LINGO2: variants seen among roughly 807,000 people sequenced by gnomAD.
LINGO2 encodes the protein leucine-rich repeat and immunoglobulin-like domain-containing nogo receptor-interacting protein 2.
A neutral mutation model predicts 30.6 loss-of-function variants in LINGO2; 14 were observed. The ratio of observed to expected loss-of-function variants is 0.46; its 90% confidence interval spans 0.30 to 0.72. LINGO2 has a LOEUF of 0.72. Ranked by LOEUF, LINGO2 falls within the 30% of genes least tolerant of loss-of-function variation. LINGO2 has a pLI of 0.07. For missense variants in LINGO2, 729 were observed against 751.7 expected, an observed-to-expected ratio of 0.97 and a Z score of 0.35; for synonymous variants, 317 against 288.5, an observed-to-expected ratio of 1.10 and a Z score of -1.00.
At chr9:28,159,690 A>T (rs1252303489) in intron 4 of LINGO2, among the ~76,000 whole-genome samples, 2 of 152,178 alleles carry the variant, frequency 1.3e-5, no homozygotes, top group African/African-American at 4.8e-5. Context: ...AAATTCCTTT[A>T]TAGTCTTCTG....
chr9:28,638,915 G>T (rs1451091470), intron 1 of LINGO2, among the ~76,000 whole-genome samples: 2 of 152,022 alleles, frequency 1.3e-5, no homozygotes, highest in Non-Finnish European at 2.9e-5. Context: ...TGATGTTAAG[G>T]TGTCAATTTT....
the LINGO2 span, among the ~76,000 whole-genome samples, chr9:29,001,907 G>C: frequency 6.6e-6 from 1 of 151,982 alleles, no homozygotes; most frequent in South Asian, 2.1e-4. Flanking sequence ...TTCTGCATTG[G>C]CTCTGAGGAT....
At chr9:28,995,673 T>C in the LINGO2 span, among the ~76,000 whole-genome samples, 3 of 152,282 alleles carry the variant, frequency 2.0e-5, no homozygotes, top group South Asian at 4.1e-4. Context: ...ATATACACTA[T>C]GGAATACTAT....
chr9:28,990,633 C>G, the LINGO2 span, among the ~76,000 whole-genome samples: 1 of 152,122 alleles, frequency 6.6e-6, no homozygotes, highest in East Asian at 1.9e-4. Context: ...ACACCTCACA[C>G]GGCCGGGTAC....
At chr9:29,025,920 A>G in the LINGO2 span, among the ~76,000 whole-genome samples, 33,137 of 152,106 alleles carry the variant, frequency 0.22, 3,754 homozygotes, top group East Asian at 0.41. Flanking sequence ...GCTTATTTCA[A>G]TTAACAAAAT....
intron 3 of LINGO2, among the ~76,000 whole-genome samples, chr9:28,330,194 G>A (rs949481234): frequency 6.6e-6 from 1 of 152,136 alleles, no homozygotes; most frequent in African/African-American, 2.4e-5. Context: ...CTGCCTACAA[G>A]TCAAGATAAG....
At chr9:28,287,304 T>A (rs143706742) in intron 4 of LINGO2, among the ~76,000 whole-genome samples, 5 of 152,162 alleles carry the variant, frequency 3.3e-5, no homozygotes, top group Non-Finnish European at 7.4e-5. Flanking sequence ...ATGCTCTGAG[T>A]TAGGAGATTC....
At chr9:27,976,289 G>A (rs1820590673) in intron 5 of LINGO2, among the ~76,000 whole-genome samples, 1 of 151,750 alleles carries the variant, frequency 6.6e-6, no homozygotes, top group Non-Finnish European at 1.5e-5. Context: ...GATAAATGTT[G>A]CCTTAGATTA....
chr9:29,187,459 C>G, the LINGO2 span, among the ~76,000 whole-genome samples: 1 of 152,092 alleles, frequency 6.6e-6, no homozygotes, highest in African/African-American at 2.4e-5. Context: ...AACCTCTGGT[C>G]GTTCACTCTG....
At chr9:29,070,968 T>C in the LINGO2 span, among the ~76,000 whole-genome samples, 1 of 151,030 alleles carries the variant, frequency 6.6e-6, no homozygotes, top group Non-Finnish European at 1.5e-5. Flanking sequence ...ATCTACAATC[T>C]TGTATTTTAA....
intron 5 of LINGO2, among the ~76,000 whole-genome samples, chr9:27,992,058 C>T (rs1042750375): frequency 2.0e-5 from 3 of 151,990 alleles, no homozygotes; most frequent in African/African-American, 7.2e-5. Flanking sequence ...CGCATTTCTC[C>T]AACTTTTCTG....
At chr9:28,839,872 G>T in the LINGO2 span, among the ~76,000 whole-genome samples, 2 of 152,232 alleles carry the variant, frequency 1.3e-5, no homozygotes, top group East Asian at 3.9e-4. Context: ...GGCTGTTAAT[G>T]CTGAGGGGTG....
At chr9:28,692,531 T>C in the LINGO2 span, among the ~76,000 whole-genome samples, 1 of 152,162 alleles carries the variant, frequency 6.6e-6, no homozygotes, top group Non-Finnish European at 1.5e-5. Flanking sequence ...TTTCCATGTT[T>C]ATACTTAGGA....
intron 4 of LINGO2, among the ~76,000 whole-genome samples, chr9:28,016,515 A>C (rs1379437456): frequency 1.3e-5 from 2 of 152,050 alleles, no homozygotes; most frequent in Non-Finnish European, 2.9e-5. Flanking sequence ...CAAATTTCCC[A>C]CAGAAATAAT....
the LINGO2 span, among the ~76,000 whole-genome samples, chr9:28,779,500 T>C: frequency 6.6e-6 from 1 of 152,160 alleles, no homozygotes; most frequent in African/African-American, 2.4e-5. Context: ...TCATTCTGTT[T>C]TAAAATATGA....
At chr9:28,132,572 A>G (rs889467081) in intron 4 of LINGO2, among the ~76,000 whole-genome samples, 2 of 152,216 alleles carry the variant, frequency 1.3e-5, no homozygotes, top group Non-Finnish European at 2.9e-5. Context: ...CATAGTTTGA[A>G]CAGGTAAAAA....
intron 4 of LINGO2, among the ~76,000 whole-genome samples, chr9:28,062,403 CATATATACTATATATGTGTAT>C (rs939671403): frequency 6.8e-6 from 1 of 146,442 alleles, no homozygotes; most frequent in African/African-American, 2.6e-5. Flanking sequence ...ATGTATATCA[CATATATACTATATATGTGTAT>C]ATATATACTA....
intron 1 of LINGO2, among the ~76,000 whole-genome samples, chr9:28,659,343 T>C (rs1828492426): frequency 6.6e-6 from 1 of 152,130 alleles, no homozygotes; most frequent in Non-Finnish European, 1.5e-5. Context: ...ATAGTACAAA[T>C]GCATGACACT....
chr9:28,899,897 A>G, the LINGO2 span, among the ~76,000 whole-genome samples: 1 of 152,136 alleles, frequency 6.6e-6, no homozygotes, highest in African/African-American at 2.4e-5. Context: ...TGCTTCAGCC[A>G]ACTCACAGTC....
Sources: allele counts gnomAD v4.1 joint callset (sites outside exome capture counted in the v4.1 genomes callset), GRCh38; gene constraint gnomAD v4.1.1; transcripts MANE v1.5; gene names NCBI Gene and HGNC (gene_info 2026-07-23, HGNC 2026-07-21).